TRPM3: variants seen among roughly 807,000 people sequenced by gnomAD.
The protein encoded by TRPM3 is long transient receptor potential channel 3.
TRPM3 carries 77 observed loss-of-function variants against 181.2 expected under a neutral mutation model. The observed-to-expected ratio is 0.42, with a 90% CI of 0.35 to 0.51. The LOEUF is 0.51. TRPM3 is among the 20% of genes least tolerant of loss of function. TRPM3 has a pLI of 0.01. For synonymous variants in TRPM3, 745 were observed against 796.4 expected (o/e 0.94, Z 1.09); for missense variants, 1,759 against 2,196.7 (o/e 0.80, Z 3.98).
intron 25 of TRPM3, among the ~76,000 whole-genome samples, chr9:70,541,422 G>T (rs768728354): frequency 6.6e-6 from 1 of 151,976 alleles, no homozygotes; most frequent in Non-Finnish European, 1.5e-5. Context: ...GCTGATAGGG[G>T]TTTAATATAG....
chr9:71,259,745 G>GT (rs943493404), intron 1 of TRPM3, among the ~76,000 whole-genome samples: 45 of 152,016 alleles, frequency 3.0e-4, no homozygotes, highest in African/African-American at 1.0e-3. Context: ...GGGGTTGTTT[G>GT]TTTTTTGTAA....
chr9:71,210,220 A>C (rs936941629), intron 1 of TRPM3, among the ~76,000 whole-genome samples: 1 of 151,958 alleles, frequency 6.6e-6, no homozygotes, highest in Non-Finnish European at 1.5e-5. Context: ...TAGGTTGCGC[A>C]CTCTTTATGA....
intron 1 of TRPM3, among the ~76,000 whole-genome samples, chr9:71,366,754 T>C (rs2092348344): frequency 6.6e-6 from 1 of 152,154 alleles, no homozygotes; most frequent in East Asian, 1.9e-4. Context: ...AATTCAGTAA[T>C]TTCAATGCAG....
Position 70,536,709 on chromosome 9 carries a change from G to T in TRPM3, c.4404C>A (p.Ser1468Arg), listed in dbSNP as rs763169990. 8.7e-6 allele frequency: 14 copies of T among 1,614,056 alleles called. No individual in the cohort carries two copies. The highest frequency in any genetic ancestry group is 1.0e-5 in the Non-Finnish European group (12 of 1,180,048). ...TGATGTCCTCAAAATCAATGCTCCGGCTTGGAGGTCTGTCTGTGGGTGCAA... is the reference window on the plus strand; with the variant it reads ...TGATGTCCTCAAAATCAATGCTCCGTCTTGGAGGTCTGTCTGTGGGTGCAA... ...ATLAPTDRPP[S>R]RSIDFEDITS... The change falls in exon 26 of 26, where the codon AGC becomes AGA. Residue 1468 changes from serine to arginine, a missense_variant. Coordinates refer to ENST00000677713, the MANE Select transcript of TRPM3 (RefSeq NM_001366145.2).
intron 1 of TRPM3, among the ~76,000 whole-genome samples, chr9:71,235,263 C>A (rs1186731117): frequency 1.3e-5 from 2 of 152,252 alleles, no homozygotes; most frequent in African/African-American, 2.4e-5. Context: ...CTTGACCACA[C>A]ACTCTGTTAC....
chr9:70,657,097 G>C (rs552633284), intron 9 of TRPM3, among the ~76,000 whole-genome samples: 1 of 148,900 alleles, frequency 6.7e-6, no homozygotes, highest in Non-Finnish European at 1.5e-5. Context: ...GTCACAATAA[G>C]AGGATTTATA....
intron 1 of TRPM3, among the ~76,000 whole-genome samples, chr9:71,136,133 C>G (rs2074752966): frequency 6.6e-6 from 1 of 152,216 alleles, no homozygotes; most frequent in Non-Finnish European, 1.5e-5. Context: ...ATTTAACACA[C>G]AGACAAACTA....
intron 1 of TRPM3, among the ~76,000 whole-genome samples, chr9:71,312,661 T>G (rs1000901990): frequency 6.6e-6 from 1 of 152,174 alleles, no homozygotes; most frequent in Non-Finnish European, 1.5e-5. Context: ...AAGATGTCCT[T>G]CAGTAGATAA....
rs561247554 is a variant in TRPM3, at chr9:71,188,467, T to C, written c.183+258186A>G. Among the ~76,000 whole-genome samples the C allele has an allele frequency of 5.3e-5, 8 of 152,050 alleles. No individual in the cohort carries two copies. The East Asian group carries it at 1.5e-3, about 29-fold the overall frequency. On this transcript the variant is annotated intron_variant, in intron 1 of 24. Transcript: ENST00000357533. ...CAAGCAATTTTATATTTCCCCTTCT[T>C]GTTTAATCTGTGGATAATATTTTGA...
intron 21 of TRPM3, among the ~76,000 whole-genome samples, chr9:70,595,880 C>T (rs908613806): frequency 6.6e-5 from 10 of 152,080 alleles, no homozygotes; most frequent in Admixed American, 2.6e-4. Context: ...ACTGGGGTTC[C>T]GTTTTGGGTA....
At chr9:70,575,869 C>A (rs1170246931) in intron 22 of TRPM3, among the ~76,000 whole-genome samples, 7 of 152,158 alleles carry the variant, frequency 4.6e-5, no homozygotes, top group Non-Finnish European at 1.0e-4. Context: ...TCTACCCACA[C>A]CAGGCACTCC....
intron 1 of TRPM3, among the ~76,000 whole-genome samples, chr9:71,035,855 G>A (rs2058118364): frequency 6.6e-6 from 1 of 151,982 alleles, no homozygotes; most frequent in Admixed American, 6.6e-5. Flanking sequence ...TCATTCTAGT[G>A]AAGGCCATAA....
intron 8 of TRPM3, 145 bp from the exon 9 acceptor site, chr9:70,681,723 C>A: frequency 1.4e-6 from 1 of 693,816 alleles, no homozygotes; most frequent in South Asian, 1.8e-5. Context: ...AACAAGAATC[C>A]GATGAGAGAG....
At chr9:70,543,620 G>A (rs2044083022) in intron 25 of TRPM3, among the ~76,000 whole-genome samples, 1 of 152,022 alleles carries the variant, frequency 6.6e-6, no homozygotes, top group Admixed American at 6.6e-5. Flanking sequence ...GCCTGGCTTT[G>A]AATATACTAG....
At chr9:70,627,697 C>A (rs2133325320) in intron 12 of TRPM3, among the ~76,000 whole-genome samples, 1 of 152,226 alleles carries the variant, frequency 6.6e-6, no homozygotes, top group Non-Finnish European at 1.5e-5. Context: ...GCCAGCCAGG[C>A]AAAATGGGGC....
intron 1 of TRPM3, among the ~76,000 whole-genome samples, chr9:71,175,207 G>A (rs2077046436): frequency 6.6e-6 from 1 of 152,226 alleles, no homozygotes; most frequent in South Asian, 2.1e-4. Context: ...TGGCCTCTGT[G>A]AGAGGGAGCT....
At chr9:70,640,330 A>G (rs2057863576) in intron 10 of TRPM3, among the ~76,000 whole-genome samples, 1 of 152,138 alleles carries the variant, frequency 6.6e-6, no homozygotes, top group Admixed American at 6.6e-5. Flanking sequence ...ATTAAAGACA[A>G]CTCATAGAGA....
intron 1 of TRPM3, among the ~76,000 whole-genome samples, chr9:71,135,086 A>T (rs1367646984): frequency 1.3e-5 from 2 of 152,202 alleles, no homozygotes; most frequent in African/African-American, 4.8e-5. Flanking sequence ...CAGCATGCTC[A>T]AATTATGTTA....
intron 1 of TRPM3, among the ~76,000 whole-genome samples, chr9:71,101,067 T>C (rs921912588): frequency 1.3e-5 from 2 of 152,120 alleles, no homozygotes; most frequent in Admixed American, 1.3e-4. Flanking sequence ...CCACACCAGA[T>C]GCCCACCTGC....
Sources: gnomAD v4.1 joint callset for allele counts (sites outside exome capture counted in the v4.1 genomes callset) on GRCh38, gnomAD v4.1.1 for gene constraint, MANE v1.5 for transcripts, NCBI Gene and HGNC (gene_info 2026-07-23, HGNC 2026-07-21) for gene names.